HACE1: variants seen among roughly 807,000 people sequenced by gnomAD.
HACE1 encodes HECT domain and ankyrin repeat containing E3 ubiquitin protein ligase 1, also known as E3 ubiquitin-protein ligase HACE1.
In HACE1, 73 loss-of-function variants were observed where a neutral mutation model predicts 118.4. The ratio of observed to expected loss-of-function variants is 0.62; its 90% CI spans 0.51 to 0.75. The LOEUF (loss-of-function observed/expected upper bound fraction) is 0.75. HACE1 is among the 30% of genes least tolerant of loss of function. The pLI, the probability that HACE1 is intolerant of heterozygous loss-of-function variation, is 0.00. For missense variants in HACE1, 749 were observed against 1,102.2 expected (o/e 0.68, Z 4.54); for synonymous variants, 368 against 374.8 (o/e 0.98, Z 0.21).
chr6:104,783,274 G>C (rs1390191554), intron 14 of HACE1, among the ~76,000 whole-genome samples: 1 of 152,122 alleles, frequency 6.6e-6, no homozygotes, highest in Non-Finnish European at 1.5e-5. Context: ...GCCAGAGCCA[G>C]CTCTTCCTCC....
At chr6:104,766,617 T>A (rs745676350) in intron 19 of HACE1, among the ~76,000 whole-genome samples, 12 of 152,214 alleles carry the variant, frequency 7.9e-5, no homozygotes, top group Non-Finnish European at 1.6e-4. Context: ...AATAAAACCA[T>A]ATTAAAATGA....
At chr6:104,855,378 G>A (rs1158311282) in intron 1 of HACE1, among the ~76,000 whole-genome samples, 4 of 152,044 alleles carry the variant, frequency 2.6e-5, no homozygotes, top group Non-Finnish European at 2.9e-5. Context: ...AGGAGGCAGA[G>A]CTTGCAATGA....
intron 6 of HACE1, among the ~76,000 whole-genome samples, chr6:104,822,981 G>A (rs1253457408): frequency 1.3e-5 from 2 of 152,076 alleles, no homozygotes; most frequent in Non-Finnish European, 2.9e-5. Context: ...CATCAAACTG[G>A]TGAGACAAAC....
At chr6:104,730,189 GGA>G in intron 23 of HACE1, 112 bp downstream of exon 23, 1 of 713,464 alleles carries the variant, frequency 1.4e-6, no homozygotes, top group South Asian at 1.5e-5. Flanking sequence ...CCAAAATCCT[GGA>G]GAGAGATCAC....
At chr6:104,767,081 C>T (rs1335900549) in intron 19 of HACE1, among the ~76,000 whole-genome samples, 1 of 152,098 alleles carries the variant, frequency 6.6e-6, no homozygotes. Context: ...AGGCTGTTTC[C>T]ACACTAAATA....
intron 22 of HACE1, among the ~76,000 whole-genome samples, chr6:104,738,684 A>G (rs1329237739): frequency 6.7e-6 from 1 of 149,884 alleles, no homozygotes; most frequent in East Asian, 1.9e-4. Context: ...GACCAAATCT[A>G]TGTCTGATTG....
intron 19 of HACE1, among the ~76,000 whole-genome samples, chr6:104,751,966 A>C (rs912930392): frequency 7.1e-4 from 108 of 151,460 alleles, no homozygotes; most frequent in Non-Finnish European, 1.5e-3. Flanking sequence ...AAAAAAAAAA[A>C]ACAGGGGAAA....
At chr6:104,790,098 C>T (rs1249944406) in intron 11 of HACE1, among the ~76,000 whole-genome samples, 2 of 151,620 alleles carry the variant, frequency 1.3e-5, no homozygotes, top group Admixed American at 6.6e-5. Flanking sequence ...AAAATACACA[C>T]TCAACGTGCA....
chr6:104,794,213 T>C (rs564017877), intron 10 of HACE1, among the ~76,000 whole-genome samples: 1 of 152,318 alleles, frequency 6.6e-6, no homozygotes, highest in South Asian at 2.1e-4. Context: ...CGAATGCTCC[T>C]TAGCTTGGTA....
chr6:104,835,781 G>A (rs892527881), intron 5 of HACE1, among the ~76,000 whole-genome samples: 5 of 152,024 alleles, frequency 3.3e-5, no homozygotes, highest in African/African-American at 1.2e-4. Flanking sequence ...ATAATCACAG[G>A]ATTTTAGAAC....
Position 104,777,262 on chromosome 6 carries a change from T to A in HACE1, c.1622A>T (p.Asp541Val). The change falls in exon 15 of 24, where the codon GAT becomes GTT. Residue 541 changes from aspartate (D) to valine (V), a missense_variant. By Grantham distance (152) the Asp-to-Val change is radical. Coordinates refer to ENST00000262903, the MANE Select transcript of HACE1 (RefSeq NM_020771.4). ...CACTGGCCTGTGCACCATATCTGAA[T>A]CTGGCTGTCCTGAATGCAAATGTTC... is the stretch of plus-strand genomic sequence containing the variant. ...FYEHLHSGQP[D>V]SDMVHRPVNE... 6.2e-7 allele frequency: 1 copy of A among 1,613,970 alleles called. No individual in the cohort carries two copies. The highest frequency in any genetic ancestry group is 1.3e-5 in the African/African-American group (1 of 75,070).
intron 11 of HACE1, among the ~76,000 whole-genome samples, chr6:104,790,302 G>C (rs1186882985): frequency 6.6e-6 from 1 of 152,076 alleles, no homozygotes; most frequent in Non-Finnish European, 1.5e-5. Flanking sequence ...TCCATGTAAG[G>C]AAAGAATCAT....
chr6:104,786,604 CA>C (rs778056795), intron 11 of HACE1: 1,176 of 67,882 alleles, frequency 0.017, 5 homozygotes, highest in African/African-American at 0.049. Context: ...ATACTGTCTC[CA>C]AAAAAAAAAA....
intron 4 of HACE1, among the ~76,000 whole-genome samples, chr6:104,846,647 CA>C (rs1261247955): frequency 2.0e-5 from 3 of 152,110 alleles, no homozygotes; most frequent in African/African-American, 7.2e-5. Context: ...GCTGAGGGAA[CA>C]AAACAAAAAG....
At chr6:104,787,003 A>G (rs977802812) in intron 11 of HACE1, 72 of 152,334 alleles carry the variant, frequency 4.7e-4, no homozygotes, top group African/African-American at 1.7e-3. Flanking sequence ...AAATACCTTC[A>G]CTGCCACTTT....
chr6:104,750,218 A>C, intron 20 of HACE1, 123 bp downstream of exon 20: 1 of 812,544 alleles, frequency 1.2e-6, no homozygotes, highest in South Asian at 1.6e-5. Context: ...ATGGACATTA[A>C]ACCATTTTGT....
chr6:104,784,940 T>A (rs753978357), intron 12 of HACE1, 45 bp downstream of exon 12: 1 of 1,166,538 alleles, frequency 8.6e-7, no homozygotes, highest in Non-Finnish European at 1.3e-6. Context: ...CTGCTTTTCA[T>A]CATCTATCAG....
intron 19 of HACE1, among the ~76,000 whole-genome samples, chr6:104,757,523 C>A (rs768705196): frequency 3.9e-5 from 6 of 152,106 alleles, no homozygotes; most frequent in African/African-American, 1.4e-4. Flanking sequence ...GACATCCACA[C>A]CAAAACCCCA....
At chr6:104,773,151 C>G (rs1481516295) in intron 17 of HACE1, among the ~76,000 whole-genome samples, 1 of 152,132 alleles carries the variant, frequency 6.6e-6, no homozygotes, top group Non-Finnish European at 1.5e-5. Flanking sequence ...GTCACTAATT[C>G]ATATTACAAA....
Sources: allele counts gnomAD v4.1 joint callset (sites outside exome capture counted in the v4.1 genomes callset), GRCh38; gene constraint gnomAD v4.1.1; transcripts MANE v1.5; gene names NCBI Gene and HGNC (gene_info 2026-07-23, HGNC 2026-07-21).